CRIM1: variants seen among roughly 807,000 people sequenced by gnomAD.
CRIM1 encodes cysteine rich transmembrane BMP regulator 1, also known as cysteine-rich motor neuron 1 protein.
Under a neutral mutation model 116.4 loss-of-function variants are expected in CRIM1, and 32 were observed. That is an observed-to-expected ratio of 0.27 (90% CI 0.21 to 0.37). The LOEUF (loss-of-function observed/expected upper bound fraction) is 0.37. CRIM1 is among the 10% of genes least tolerant of loss of function. The pLI is 1.00. For synonymous variants in CRIM1, 590 were observed against 509.2 expected (o/e 1.16, Z -2.13); for missense variants, 1,331 against 1,354.8 (o/e 0.98, Z 0.28).
At chr2:36,374,360 C>T (rs890005418) in intron 1 of CRIM1, among the ~76,000 whole-genome samples, 2 of 152,188 alleles carry the variant, frequency 1.3e-5, no homozygotes, top group Non-Finnish European at 2.9e-5. Context: ...AAGAATGCTA[C>T]TGTAAAGGGA....
chr2:36,532,313 G>T (rs187001498), intron 13 of CRIM1, among the ~76,000 whole-genome samples: 2 of 152,236 alleles, frequency 1.3e-5, no homozygotes, highest in East Asian at 3.9e-4. Flanking sequence ...AAAAATAAAC[G>T]TTATTATGTT....
At chr2:36,487,332 T>C (rs1202689244) in intron 7 of CRIM1, among the ~76,000 whole-genome samples, 1 of 152,172 alleles carries the variant, frequency 6.6e-6, no homozygotes, top group Non-Finnish European at 1.5e-5. Context: ...CATACTAAAA[T>C]GTACATATTC....
chr2:36,471,825 C>A (rs893740276), intron 5 of CRIM1, among the ~76,000 whole-genome samples: 16 of 152,020 alleles, frequency 1.1e-4, no homozygotes, highest in African/African-American at 3.9e-4. Flanking sequence ...GGCCCGCAGG[C>A]TGCAGGTTAG....
intron 4 of CRIM1, among the ~76,000 whole-genome samples, chr2:36,443,868 A>T (rs1392366343): frequency 6.6e-6 from 1 of 152,244 alleles, no homozygotes; most frequent in Non-Finnish European, 1.5e-5. Flanking sequence ...TCTCTAAGAC[A>T]TATCCTTTAT....
intron 5 of CRIM1, among the ~76,000 whole-genome samples, chr2:36,473,309 G>A (rs1325086857): frequency 6.6e-6 from 1 of 152,022 alleles, no homozygotes; most frequent in East Asian, 1.9e-4. Flanking sequence ...GATTGAGCAG[G>A]GCTCATCACC....
chr2:36,429,124 C>T (rs1051263950), intron 2 of CRIM1, among the ~76,000 whole-genome samples: 2 of 152,196 alleles, frequency 1.3e-5, no homozygotes, highest in African/African-American at 4.8e-5. Flanking sequence ...GTCCCTAGCA[C>T]CTGTGTGGAG....
At chr2:36,369,835 A>G (rs1383424814) in intron 1 of CRIM1, among the ~76,000 whole-genome samples, 1 of 152,166 alleles carries the variant, frequency 6.6e-6, no homozygotes, top group African/African-American at 2.4e-5. Context: ...ACAGGAAGCT[A>G]ATTCCTTCTT....
At position 36,493,983 on chromosome 2, in the gene CRIM1, C is replaced by T. The variant is rs148279501; in HGVS notation, c.1373-5236C>T. On this transcript the variant is annotated intron_variant, in intron 7 of 16. Coordinates refer to ENST00000280527, the MANE Select transcript of CRIM1 (RefSeq NM_016441.3). Reference sequence around the variant, plus strand: ...AACTTTATACCAGCATCTTAAAAGGCTGAATTTGAGTTTCAGCTTCTTACT... The same window carrying T: ...AACTTTATACCAGCATCTTAAAAGGTTGAATTTGAGTTTCAGCTTCTTACT... 2.4e-3 allele frequency among the ~76,000 whole-genome samples: 370 copies of T among 152,210 alleles called. 1 individual carries two copies. Among genetic ancestry groups the T allele is most frequent in the African/African-American group, 8.2e-3 (342 of 41,522 alleles).
intron 4 of CRIM1, among the ~76,000 whole-genome samples, chr2:36,450,997 G>T (rs992874502): frequency 6.6e-6 from 1 of 152,172 alleles, no homozygotes; most frequent in Non-Finnish European, 1.5e-5. Flanking sequence ...TGGAATCTTT[G>T]GCAGGTTATC....
intron 5 of CRIM1, among the ~76,000 whole-genome samples, chr2:36,471,627 G>A (rs1386154723): frequency 1.3e-5 from 2 of 152,020 alleles, no homozygotes; most frequent in African/African-American, 4.8e-5. Context: ...TATAGCAGGG[G>A]TGTCCAATCT....
intron 1 of CRIM1, among the ~76,000 whole-genome samples, chr2:36,368,133 C>T (rs1669713661): frequency 6.6e-6 from 1 of 152,168 alleles, no homozygotes; most frequent in Non-Finnish European, 1.5e-5. Flanking sequence ...CAGGGAGTTT[C>T]CTTAAGGAGC....
In CRIM1 at chr2:36,355,847, G is replaced by C. The variant is rs951730292; in HGVS notation, c.-446G>C. 5.3e-5 allele frequency: 8 copies of C among 151,854 alleles called. No homozygotes were observed. The highest frequency in any genetic ancestry group is 1.9e-4 in the African/African-American group (8 of 41,484). 9.4% of individuals were successfully genotyped at this position (151,854 alleles called of 1,614,324 possible). On this transcript the variant is annotated 5_prime_UTR_variant, in exon 1 of 17. Coordinates refer to ENST00000280527, the MANE Select transcript of CRIM1 (RefSeq NM_016441.3). ...TGTGCTGCGCCACCGCGCCCACTCG[G>C]CAGCTCGGGAGGCGGGGACCGGCCC...
intron 5 of CRIM1, among the ~76,000 whole-genome samples, chr2:36,470,043 T>G (rs935670472): frequency 5.9e-5 from 9 of 152,214 alleles, no homozygotes; most frequent in East Asian, 5.8e-4. Context: ...GAGAGTATAG[T>G]TAGCAAGACC....
intron 7 of CRIM1, among the ~76,000 whole-genome samples, chr2:36,498,641 C>G (rs1407973544): frequency 6.6e-6 from 1 of 152,142 alleles, no homozygotes; most frequent in African/African-American, 2.4e-5. Context: ...TCCCACAAGT[C>G]TCTGGGCCCT....
chr2:36,411,423 T>G (rs1673192004), intron 2 of CRIM1, among the ~76,000 whole-genome samples: 1 of 152,184 alleles, frequency 6.6e-6, no homozygotes, highest in Non-Finnish European at 1.5e-5. Flanking sequence ...CTGTATGGAT[T>G]TATAATAAAT....
chr2:36,543,465 G>A (rs995789814), intron 14 of CRIM1, among the ~76,000 whole-genome samples: 1 of 151,646 alleles, frequency 6.6e-6, no homozygotes, highest in African/African-American at 2.4e-5. Flanking sequence ...GCTATGGTGA[G>A]TATTTAGGAT....
At chr2:36,375,765 A>C (rs1392426499) in intron 1 of CRIM1, among the ~76,000 whole-genome samples, 1 of 152,224 alleles carries the variant, frequency 6.6e-6, no homozygotes, top group African/African-American at 2.4e-5. Context: ...TTGGACCAAC[A>C]TATTGACTTA....
intron 1 of CRIM1, among the ~76,000 whole-genome samples, chr2:36,359,863 T>C (rs1669104897): frequency 6.6e-6 from 1 of 152,158 alleles, no homozygotes; most frequent in African/African-American, 2.4e-5. Flanking sequence ...GTGCAGGTCT[T>C]TTTCCTCTTT....
At chr2:36,404,115 C>T (rs1453790226) in intron 2 of CRIM1, among the ~76,000 whole-genome samples, 2 of 152,082 alleles carry the variant, frequency 1.3e-5, no homozygotes, top group Non-Finnish European at 2.9e-5. Context: ...TGCAGGGAAG[C>T]TGGCACAGGA....
Sources: allele counts gnomAD v4.1 joint callset (sites outside exome capture counted in the v4.1 genomes callset), GRCh38; gene constraint gnomAD v4.1.1; transcripts MANE v1.5; gene names NCBI Gene and HGNC (gene_info 2026-07-23, HGNC 2026-07-21).